Variants in WWOX observed in about 807,000 individuals in gnomAD.
WWOX encodes the protein WW domain-containing oxidoreductase.
A neutral mutation model predicts 46.2 loss-of-function variants in WWOX; 69 were observed. The observed-to-expected ratio is 1.49, with a 90% CI of 1.23 to 1.82. The LOEUF is 1.82. WWOX is among the 40% of genes most tolerant of loss of function. The pLI, the probability that WWOX is intolerant of heterozygous loss-of-function variation, is 0.00. For synonymous variants in WWOX, 359 were observed against 202.6 expected (o/e 1.77, Z -6.56); for missense variants, 919 against 542.6 (o/e 1.69, Z -6.89).
At chr16:78,129,972 C>A (rs1301231673) in intron 4 of WWOX, 2 of 152,156 alleles carry the variant, frequency 1.3e-5, no homozygotes, top group Non-Finnish European at 2.9e-5. Context: ...ATAATTGAAT[C>A]ATGCTGTTCT....
chr16:79,002,970 G>A (rs1194804084), intron 8 of WWOX, among the ~76,000 whole-genome samples: 2 of 152,108 alleles, frequency 1.3e-5, no homozygotes, highest in East Asian at 1.9e-4. Context: ...AAATGATATC[G>A]CTCAGAAAAT....
At chr16:78,555,818 C>A (rs2044280411) in intron 8 of WWOX, among the ~76,000 whole-genome samples, 1 of 152,054 alleles carries the variant, frequency 6.6e-6, no homozygotes, top group Non-Finnish European at 1.5e-5. Context: ...TCTTCTGAGC[C>A]ATGCCAATAA....
rs541188622 is a variant in WWOX, at chr16:79,129,663, A to C, written c.1057-81945A>C. ...TTCATTTCACATTAGTTGCATCCCA[A>C]CATTCCTTTATGGACTGCATTCCAT... On this transcript the variant is annotated intron_variant, in intron 8 of 8. Coordinates refer to ENST00000566780, the MANE Select transcript of WWOX (RefSeq NM_016373.4). Among the ~76,000 whole-genome samples, 41 of 152,260 alleles carry C rather than the reference A, an allele frequency of 2.7e-4. No individual in the cohort carries two copies. In the South Asian group the frequency reaches 7.9e-3, roughly 29 times the overall value.
intron 8 of WWOX, among the ~76,000 whole-genome samples, chr16:78,776,687 C>T (rs1042434363): frequency 6.6e-6 from 1 of 152,094 alleles, no homozygotes; most frequent in Non-Finnish European, 1.5e-5. Flanking sequence ...GTTTAATTGA[C>T]TCACAATTCT....
intron 8 of WWOX, among the ~76,000 whole-genome samples, chr16:78,678,151 G>A (rs947464308): frequency 1.3e-5 from 2 of 152,096 alleles, no homozygotes; most frequent in South Asian, 2.1e-4. Flanking sequence ...GTCTGCCTTG[G>A]TCTCTCCTGG....
chr16:78,926,419 A>G (rs1047528366), intron 8 of WWOX, among the ~76,000 whole-genome samples: 2 of 151,884 alleles, frequency 1.3e-5, no homozygotes, highest in African/African-American at 2.4e-5. Flanking sequence ...GGCCCATGCA[A>G]TTTGAATGTA....
chr16:79,014,362 G>A (rs537572459), intron 8 of WWOX, among the ~76,000 whole-genome samples: 1 of 152,126 alleles, frequency 6.6e-6, no homozygotes, highest in Non-Finnish European at 1.5e-5. Context: ...ATGTTTTCCT[G>A]TTTTCTATTG....
chr16:79,089,267 T>A (rs1264593744), intron 8 of WWOX, among the ~76,000 whole-genome samples: 2 of 152,162 alleles, frequency 1.3e-5, no homozygotes, highest in Non-Finnish European at 2.9e-5. Flanking sequence ...GATTAGAATA[T>A]TTGTAAAGTT....
intron 8 of WWOX, among the ~76,000 whole-genome samples, chr16:78,447,650 C>T (rs2083592646): frequency 6.6e-6 from 1 of 152,170 alleles, no homozygotes. Context: ...CAAAAGTGGA[C>T]ATTTACTCGA....
intron 8 of WWOX, among the ~76,000 whole-genome samples, chr16:78,925,977 G>A (rs956092291): frequency 1.4e-4 from 22 of 152,218 alleles, no homozygotes; most frequent in Non-Finnish European, 1.6e-4. Flanking sequence ...AGAGGGCAGG[G>A]AGAAGGGAAG....
At chr16:78,351,166 C>T (rs1438103610) in intron 5 of WWOX, among the ~76,000 whole-genome samples, 1 of 152,130 alleles carries the variant, frequency 6.6e-6, no homozygotes, top group East Asian at 1.9e-4. Flanking sequence ...TGCTTTTAGG[C>T]ACATACCAAG....
At position 78,220,171 on chromosome 16, in the gene WWOX, G is replaced by C. The variant is rs908130843; in HGVS notation, c.516+55882G>C. Among the ~76,000 whole-genome samples the C allele has an allele frequency of 3.0e-4, 46 of 152,126 alleles. 1 individual carries two copies. On this transcript the variant is annotated intron_variant, in intron 5 of 8. Transcript: ENST00000566780. ...TCCAGTGGTGTCTAGAACATGTTGG[G>C]ATTTTGTGTGATAGTTTCTTGAGTT...
chr16:78,424,935 G>A lies in WWOX; in HGVS notation c.671G>A (p.Gly224Asp), dbSNP rs1409537902. The change falls in exon 7 of 9, where the codon GGC becomes GAC. Residue 224 changes from glycine to aspartate, a missense_variant. Physicochemically the swap from Gly to Asp is moderately conservative, Grantham distance 94. Transcript: ENST00000566780. ...FALPWSLTKDGLETTFQVNHL... is the reference protein window; with the variant it reads ...FALPWSLTKDDLETTFQVNHL... The stretch of plus-strand genomic sequence containing the variant: ...CTACCCTGGAGTCTCACCAAAGATG[G>A]CCTGGAGACCACCTTTCAAGTGAAT... 2 of 1,614,134 alleles carry A rather than the reference G, an allele frequency of 1.2e-6. No individual in the cohort carries two copies. The highest frequency in any genetic ancestry group is 4.5e-5 in the East Asian group (2 of 44,866).
At chr16:78,691,388 G>A in intron 8 of WWOX, 2 of 671,210 alleles carry the variant, frequency 3.0e-6, no homozygotes, top group Non-Finnish European at 5.4e-6. Flanking sequence ...TCCTAAGTTG[G>A]CCTACAGGGT....
In WWOX at chr16:78,229,918, C is replaced by T. The variant is rs567960030; in HGVS notation, c.516+65629C>T. On this transcript the variant is annotated intron_variant, in intron 5 of 8. Coordinates refer to ENST00000566780, the MANE Select transcript of WWOX (RefSeq NM_016373.4). ...TTTTCTAAACAGGATCTCACTCTGT[C>T]ACCCAGGCTGGAGTGCAGTGGCATG... Among the ~76,000 whole-genome samples, 3 of 152,136 alleles carry T rather than the reference C, an allele frequency of 2.0e-5. No homozygotes were observed. The South Asian group carries it at 6.2e-4, about 32-fold the overall frequency.
chr16:78,997,552 T>C (rs1278581271), intron 8 of WWOX, among the ~76,000 whole-genome samples: 2 of 152,158 alleles, frequency 1.3e-5, no homozygotes, highest in East Asian at 3.9e-4. Flanking sequence ...ACCTAAACAA[T>C]AGCATGTATA....
At chr16:78,282,054 G>C (rs934098321) in intron 5 of WWOX, among the ~76,000 whole-genome samples, 2 of 152,182 alleles carry the variant, frequency 1.3e-5, no homozygotes, top group Admixed American at 6.5e-5. Flanking sequence ...GGGAGAACCA[G>C]GATTGGCCTA....
At chr16:79,024,694 C>G (rs1210464764) in intron 8 of WWOX, among the ~76,000 whole-genome samples, 1 of 152,118 alleles carries the variant, frequency 6.6e-6, no homozygotes, top group Non-Finnish European at 1.5e-5. Flanking sequence ...CTCGGCCTCC[C>G]AAAGTGCTGG....
chr16:78,629,332 G>A (rs558509633), intron 8 of WWOX, among the ~76,000 whole-genome samples: 35 of 151,954 alleles, frequency 2.3e-4, no homozygotes, highest in African/African-American at 8.4e-4. Flanking sequence ...AGCAATGTAG[G>A]GTGAATTCCA....
Sources: allele counts gnomAD v4.1 joint callset (sites outside exome capture counted in the v4.1 genomes callset), GRCh38; gene constraint gnomAD v4.1.1; transcripts MANE v1.5; gene names NCBI Gene and HGNC (gene_info 2026-07-23, HGNC 2026-07-21).